The following LMX1A variants were observed in gnomAD, a reference collection of about 807,000 sequenced individuals.
The protein encoded by LMX1A is LIM homeobox transcription factor 1-alpha.
In LMX1A, 15 loss-of-function variants were observed where a neutral mutation model predicts 49.1. That is an observed-to-expected ratio of 0.31 (90% CI 0.20 to 0.47). The LOEUF is 0.47. Ranked by LOEUF, LMX1A falls within the 20% of genes least tolerant of loss-of-function variation. LMX1A has a pLI of 1.00. For synonymous variants in LMX1A, 167 were observed against 185.7 expected (o/e 0.90, Z 0.82); for missense variants, 372 against 475.8 (o/e 0.78, Z 2.03).
intron 3 of LMX1A, among the ~76,000 whole-genome samples, chr1:165,250,886 G>A (rs1291449665): frequency 6.6e-6 from 1 of 152,180 alleles, no homozygotes; most frequent in East Asian, 1.9e-4. Context: ...GTGGGAGGAG[G>A]GACAGTCCCA....
intron 3 of LMX1A, among the ~76,000 whole-genome samples, chr1:165,347,193 G>T (rs1656276137): frequency 6.6e-6 from 1 of 152,074 alleles, no homozygotes; most frequent in South Asian, 2.1e-4. Context: ...GGGGCACAAA[G>T]GGGAAAAAAG....
At position 165,355,461 on chromosome 1, in the gene LMX1A, G is replaced by A. The variant is rs1234064541; in HGVS notation, c.76+23C>T. ...GCCAAGCGGAAAGAGAGTGCGCCCA[G>A]GACGCACGGCCTGAACACTCACCCA... On this transcript the variant is annotated intron_variant, in intron 2 of 8. Coordinates refer to ENST00000342310, the MANE Select transcript of LMX1A (RefSeq NM_177398.4). This position sits in a 1 kb window ranked among gnomAD's most constrained non-coding sequence, Gnocchi z 4.7. The A allele has an allele frequency of 6.2e-7, 1 of 1,612,488 alleles. No homozygotes were observed. The highest frequency in any genetic ancestry group is 1.7e-5 in the Admixed American group (1 of 59,942).
At chr1:165,243,697 C>T (rs1381107668) in intron 4 of LMX1A, among the ~76,000 whole-genome samples, 1 of 152,204 alleles carries the variant, frequency 6.6e-6, no homozygotes, top group East Asian at 1.9e-4. Flanking sequence ...CCCGAAAGTA[C>T]GGCCAAGACC....
At chr1:165,208,671 C>A (rs1651205763) in intron 6 of LMX1A, among the ~76,000 whole-genome samples, 1 of 149,660 alleles carries the variant, frequency 6.7e-6, no homozygotes, top group Admixed American at 6.6e-5. Context: ...CGGAGTCTCG[C>A]TCTGTCACCC....
chr1:165,332,388 C>T (rs535899166), intron 3 of LMX1A, among the ~76,000 whole-genome samples: 1 of 152,206 alleles, frequency 6.6e-6, no homozygotes, highest in South Asian at 2.1e-4. Context: ...CAGCTATCTA[C>T]TGTCTACAGA....
At chr1:165,215,877 C>A (rs1015590904) in intron 4 of LMX1A, 3 of 152,148 alleles carry the variant, frequency 2.0e-5, no homozygotes, top group East Asian at 1.9e-4. Context: ...TAACTACATA[C>A]CAACAACAAT....
chr1:165,230,718 C>G (rs61800533), intron 4 of LMX1A, among the ~76,000 whole-genome samples: 1 of 152,134 alleles, frequency 6.6e-6, no homozygotes, highest in Non-Finnish European at 1.5e-5. Context: ...CACATTTCCT[C>G]GGATAGGAAA....
chr1:165,353,148 G>A lies in LMX1A; in HGVS notation c.191C>T (p.Ser64Phe), dbSNP rs765976635. Reference protein sequence around the residue: ...FWHEQCVQCASCKEPLETTCF... With the variant: ...FWHEQCVQCAFCKEPLETTCF... ...GGTGGTCTCCAGGGGCTCTTTGCAG[G>A]AGGCGCACTGCACGCACTGCTCATG... The change falls in exon 3 of 9, where the codon TCC becomes TTC. Residue 64 changes from serine to phenylalanine, a missense_variant. By Grantham distance (155) the Ser-to-Phe change is radical. Around this residue, in one of 3 missense-constraint regions of LMX1A, gnomAD observed 199 missense variants for 244.0 expected, o/e 0.82. Transcript: ENST00000342310. 3.1e-6 allele frequency: 5 copies of A among 1,614,200 alleles called. No individual in the cohort carries two copies. The Admixed American group carries it at 6.7e-5, about 22-fold the overall frequency.
In LMX1A at chr1:165,283,121, G is replaced by A. The variant is rs545954073; in HGVS notation, c.264-33481C>T. Among the ~76,000 whole-genome samples, 37 of 152,274 alleles carry A rather than the reference G, an allele frequency of 2.4e-4. No homozygotes were observed. In the East Asian group the frequency reaches 3.5e-3, roughly 14 times the overall value. On this transcript the variant is annotated intron_variant, in intron 3 of 8. Coordinates refer to ENST00000342310, the MANE Select transcript of LMX1A (RefSeq NM_177398.4). ...ATGACAGGCTGTGTAGACAATGGTG[G>A]ACCCATAAAATTATAATACCATATT... is the stretch of plus-strand genomic sequence containing the variant.
intron 3 of LMX1A, among the ~76,000 whole-genome samples, chr1:165,314,660 T>C: frequency 6.6e-6 from 1 of 152,182 alleles, no homozygotes; most frequent in East Asian, 1.9e-4. Flanking sequence ...TTCTCTTTTT[T>C]TAGTCTCTCA....
intron 3 of LMX1A, among the ~76,000 whole-genome samples, chr1:165,275,263 A>G (rs994384866): frequency 4.6e-5 from 7 of 152,190 alleles, no homozygotes; most frequent in African/African-American, 1.7e-4. Flanking sequence ...TCAGGCAAGC[A>G]ATTTGCTTCT....
intron 4 of LMX1A, among the ~76,000 whole-genome samples, chr1:165,247,048 C>CTTTTTTTTTTTTTTTTTTTTTTTTTTTT (rs1204141626): frequency 4.7e-5 from 1 of 21,424 alleles, no homozygotes; most frequent in Non-Finnish European, 8.0e-5. Context: ...ATCAGATCAG[C>CTTTTTTTTTTTTTTTTTTTTTTTTTTTT]TTTTTCTTTT....
At chr1:165,295,935 A>T (rs1345997139) in intron 3 of LMX1A, among the ~76,000 whole-genome samples, 2 of 152,164 alleles carry the variant, frequency 1.3e-5, no homozygotes, top group Non-Finnish European at 2.9e-5. Context: ...ACAGGAGGGG[A>T]TATTGCATAT....
intron 3 of LMX1A, among the ~76,000 whole-genome samples, chr1:165,338,506 T>A (rs1159458961): frequency 6.6e-6 from 1 of 152,248 alleles, no homozygotes; most frequent in African/African-American, 2.4e-5. Flanking sequence ...TGTGTCCATG[T>A]TGCCATTTAA....
chr1:165,297,564 T>C (rs1230444844), intron 3 of LMX1A, among the ~76,000 whole-genome samples: 28 of 152,288 alleles, frequency 1.8e-4, no homozygotes, highest in Non-Finnish European at 2.9e-5. Flanking sequence ...AGGTCTTATA[T>C]GGCCTCCACA....
At chr1:165,204,158 C>G in intron 8 of LMX1A, 118 bp from the exon 9 acceptor site, 2 of 1,068,358 alleles carry the variant, frequency 1.9e-6, no homozygotes, top group Non-Finnish European at 2.7e-6. Context: ...GTGAAACTTT[C>G]TACAAAAAGT....
At chr1:165,267,482 A>C (rs1213498585) in intron 3 of LMX1A, among the ~76,000 whole-genome samples, 2 of 152,212 alleles carry the variant, frequency 1.3e-5, no homozygotes, top group Non-Finnish European at 2.9e-5. Context: ...TGCTGCTATG[A>C]ACATGTGTGC....
At chr1:165,234,337 G>T (rs1381025909) in intron 4 of LMX1A, among the ~76,000 whole-genome samples, 1 of 152,124 alleles carries the variant, frequency 6.6e-6, no homozygotes, top group South Asian at 2.1e-4. Flanking sequence ...CATACCCATT[G>T]TGAAACCTTT....
intron 3 of LMX1A, among the ~76,000 whole-genome samples, chr1:165,273,032 G>C (rs1653853395): frequency 1.3e-5 from 2 of 152,318 alleles, no homozygotes; most frequent in South Asian, 4.1e-4. Flanking sequence ...TTCATGGTTT[G>C]AATTTGCACC....
Sources: allele counts gnomAD v4.1 joint callset (sites outside exome capture counted in the v4.1 genomes callset), GRCh38; gene constraint gnomAD v4.1.1; regional missense constraint gnomAD v4.1.1; non-coding constraint Gnocchi (gnomAD v3.1); transcripts MANE v1.5; gene names NCBI Gene and HGNC (gene_info 2026-07-23, HGNC 2026-07-21).